Variants in LRRC43 observed in about 807,000 individuals in gnomAD.
The protein encoded by LRRC43 is leucine rich repeat containing 43.
Under a neutral mutation model 64.3 loss-of-function variants are expected in LRRC43, and 62 were observed. The observed-to-expected ratio is 0.96, with a 90% CI of 0.79 to 1.19. The LOEUF (loss-of-function observed/expected upper bound fraction) is 1.19, where lower values mean the gene tolerates loss of function less well. LRRC43 is among the 50% of genes most tolerant of loss of function. The probability of loss-of-function intolerance (pLI) is 0.00; values close to 1 mark genes in which losing one functional copy is unlikely to be tolerated. For synonymous variants in LRRC43, 422 were observed against 382.3 expected (o/e 1.10, Z -1.21); for missense variants, 868 against 845.0 (o/e 1.03, Z -0.34).
chr12:122,175,565 A>G (rs1953530575), intron 1 of LRRC43, among the ~76,000 whole-genome samples: 1 of 148,486 alleles, frequency 6.7e-6, no homozygotes, highest in African/African-American at 2.5e-5. Context: ...GTGCAGTGGC[A>G]TCATCACAAC....
chr12:122,198,645 T>TTG (rs1210018125), intron 7 of LRRC43, among the ~76,000 whole-genome samples: 9 of 150,204 alleles, frequency 6.0e-5, no homozygotes, highest in African/African-American at 2.0e-4. Flanking sequence ...TTTTTTTTTT[T>TTG]TGAGATGGGG....
intron 5 of LRRC43, 122 bp downstream of exon 5, chr12:122,190,490 C>G: frequency 1.4e-6 from 1 of 725,158 alleles, no homozygotes; most frequent in South Asian, 1.7e-5. Flanking sequence ...GACCCAGACC[C>G]TATTCAGGTA....
At chr12:122,192,123 A>C (rs1356472253) in intron 6 of LRRC43, among the ~76,000 whole-genome samples, 1 of 151,314 alleles carries the variant, frequency 6.6e-6, no homozygotes. Flanking sequence ...TCCCAGCCCC[A>C]TTCTGCAATT....
intron 7 of LRRC43, among the ~76,000 whole-genome samples, chr12:122,194,387 T>C (rs1216527942): frequency 6.6e-6 from 1 of 151,364 alleles, no homozygotes; most frequent in African/African-American, 2.4e-5. Flanking sequence ...ACCAACATGG[T>C]GAAACACCAT....
intron 4 of LRRC43, chr12:122,189,596 G>T: frequency 2.4e-6 from 1 of 413,598 alleles, no homozygotes; most frequent in Admixed American, 2.7e-5. Context: ...CCCCTCCCAG[G>T]CCCCTTTCCT....
Position 122,184,849 on chromosome 12 carries a change from C to A in LRRC43, c.411+70C>A, listed in dbSNP as rs1161115813. 3.2e-5 allele frequency: 48 copies of A among 1,489,388 alleles called. No individual in the cohort carries two copies. Among genetic ancestry groups the A allele is most frequent in the Non-Finnish European group, 4.3e-5 (47 of 1,095,284 alleles). 92.3% of individuals were successfully genotyped at this position (1,489,388 alleles called of 1,614,324 possible). On this transcript the variant is annotated intron_variant, in intron 2 of 11. Transcript: ENST00000339777. This position sits in a 1 kb window ranked among gnomAD's most constrained non-coding sequence, Gnocchi z 4.0. ...CCTAAGGGAGGTTGTGGGGAGGGCA[C>A]CCTTCCCCACAGCGCGTCAGGGATC...
rs1268007573 is a variant in LRRC43, at chr12:122,187,729, G to C, written c.551G>C (p.Ser184Thr). 6.2e-7 allele frequency: 1 copy of C among 1,613,812 alleles called. No homozygotes were observed. The highest frequency in any genetic ancestry group is 8.5e-7 in the Non-Finnish European group (1 of 1,180,034). ...CTGGAGCTCTACGGCAATGAGATCA[G>C]CAGCATGGAGTGTCTGTGTGCCCAC... ...KVLELYGNEI[S>T]SMECLCAHPP... Residue 184 changes from serine to threonine, a missense_variant, in exon 4 of 12, where the codon AGC (serine) becomes ACC (threonine). Transcript: ENST00000339777.
At position 122,200,372 on chromosome 12, in the gene LRRC43, C is replaced by G. The variant is rs778374502; in HGVS notation, c.1491+42C>G. On this transcript the variant is annotated intron_variant, in intron 8 of 11. Coordinates refer to ENST00000339777, the MANE Select transcript of LRRC43 (RefSeq NM_001098519.2). This position sits in a 1 kb window ranked among gnomAD's most constrained non-coding sequence, Gnocchi z 4.6. ...AGTGCCCGGCCATCCACAGGCTGCA[C>G]TTCTGTCCTTGTTCCTGTTCCCATC... 16 of 1,608,334 alleles carry G rather than the reference C, an allele frequency of 9.9e-6. No individual in the cohort carries two copies. In the South Asian group the frequency reaches 1.8e-4, roughly 18 times the overall value.
At chr12:122,182,982 T>C (rs963495344), upstream of LRRC43, 13 of 1,175,628 alleles carry the variant, frequency 1.1e-5, no homozygotes, top group Non-Finnish European at 1.4e-5. Context: ...CCAGCTGTTA[T>C]CCCATTTTTA....
upstream of LRRC43, among the ~76,000 whole-genome samples, chr12:122,178,573 G>C (rs1953556320): frequency 6.7e-6 from 1 of 149,166 alleles, no homozygotes; most frequent in Non-Finnish European, 1.5e-5. Flanking sequence ...ATACGTAAGA[G>C]GTGGCTTTCT....
chr12:122,183,655 G>A (rs1415767913), intron 1 of LRRC43, among the ~76,000 whole-genome samples: 2 of 152,206 alleles, frequency 1.3e-5, no homozygotes, highest in East Asian at 3.8e-4. Context: ...AAGAGCCTGA[G>A]GCAGTGTGAG....
In LRRC43 at chr12:122,184,241, C is replaced by T. The variant is rs1439369896; in HGVS notation, c.151-278C>T. On this transcript the variant is annotated intron_variant, in intron 1 of 11. Coordinates refer to ENST00000339777, the MANE Select transcript of LRRC43 (RefSeq NM_001098519.2). This position sits in a 1 kb window ranked among gnomAD's most constrained non-coding sequence, Gnocchi z 4.0. ...TCCCGAGTAGCTGAGACTACAGTTG[C>T]GTGCCACCACGCCCGGCTAATTTTT... Among the ~76,000 whole-genome samples the T allele has an allele frequency of 2.6e-5, 4 of 152,030 alleles. No homozygotes were observed. Among genetic ancestry groups the T allele is most frequent in the Admixed American group, 6.6e-5 (1 of 15,248 alleles).
intron 3 of LRRC43, 69 bp downstream of exon 3, chr12:122,186,369 C>T: frequency 1.0e-6 from 1 of 990,824 alleles, no homozygotes; most frequent in Non-Finnish European, 1.6e-6. Flanking sequence ...TTACCCTGCC[C>T]CACATAGTGT....
In LRRC43 at chr12:122,184,662, G is replaced by A. The variant is rs367754491; in HGVS notation, c.294G>A (p.Leu98=). 1.2e-6 allele frequency: 2 copies of A among 1,614,012 alleles called. No individual in the cohort carries two copies. The highest frequency in any genetic ancestry group is 1.7e-6 in the Non-Finnish European group (2 of 1,179,878). The change falls in exon 2 of 12, where the codon CTG becomes CTA. Residue 98 remains leucine (L), a synonymous_variant. Coordinates refer to ENST00000339777, the MANE Select transcript of LRRC43 (RefSeq NM_001098519.2). The surrounding 1 kb of genome is among the most constrained non-coding windows in gnomAD (Gnocchi z 4.0). ...GCCGCCACTCCCCCTGGGCTCTGCT[G>A]AACAACTCGAATGCAGAAGACAGTT... The part of the protein sequence containing the change: ...VRSRHSPWAL[L]NNSNAEDSFL...
Position 122,192,727 on chromosome 12 carries a change from T to C in LRRC43, c.1090-18T>C. The C allele has an allele frequency of 1.2e-6, 2 of 1,609,700 alleles. No individual in the cohort carries two copies. Among genetic ancestry groups the C allele is most frequent in the Non-Finnish European group, 1.7e-6 (2 of 1,176,534 alleles). The stretch of plus-strand genomic sequence containing the variant: ...CTGAAGACGGCAGCCTTGGACGAGT[T>C]TCTGTCTCTTCCTGCAGATCGTCAA... On this transcript the variant is annotated intron_variant, in intron 6 of 11. Coordinates refer to ENST00000339777, the MANE Select transcript of LRRC43 (RefSeq NM_001098519.2).
chr12:122,171,034 C>T (rs1364129670), intron 1 of LRRC43, among the ~76,000 whole-genome samples: 1 of 152,170 alleles, frequency 6.6e-6, no homozygotes, highest in East Asian at 1.9e-4. Context: ...CTCTAAGAAG[C>T]CTTAACAGTT....
chr12:122,181,790 G>C (rs1251139408), upstream of LRRC43, among the ~76,000 whole-genome samples: 1 of 150,808 alleles, frequency 6.6e-6, no homozygotes, highest in African/African-American at 2.4e-5. Flanking sequence ...ATTTTTAGTA[G>C]AGACGGGGTT....
intron 3 of LRRC43, among the ~76,000 whole-genome samples, chr12:122,186,789 T>G (rs1449058426): frequency 1.3e-5 from 2 of 152,038 alleles, no homozygotes; most frequent in Non-Finnish European, 2.9e-5. Flanking sequence ...TGTGGTGGCA[T>G]GCGCCTGTAG....
Position 122,190,464 on chromosome 12 carries a change from C to G in LRRC43, c.901+96C>G. 5 of 925,900 alleles carry G rather than the reference C, an allele frequency of 5.4e-6. No homozygotes were observed. In the Admixed American group the frequency reaches 1.0e-4, roughly 19 times the overall value. 57.4% of individuals were successfully genotyped at this position (925,900 alleles called of 1,614,324 possible). ...TCCTGGGTCCGTGTACCCGTCTGTCCTGCAACTCCCCATTTGACCCAGACC... is the reference window on the plus strand; with the variant it reads ...TCCTGGGTCCGTGTACCCGTCTGTCGTGCAACTCCCCATTTGACCCAGACC... On this transcript the variant is annotated intron_variant, in intron 5 of 11. Transcript: ENST00000339777.
Sources: allele counts gnomAD v4.1 joint callset (sites outside exome capture counted in the v4.1 genomes callset), GRCh38; gene constraint gnomAD v4.1.1; non-coding constraint Gnocchi (gnomAD v3.1); transcripts MANE v1.5; gene names NCBI Gene and HGNC (gene_info 2026-07-23, HGNC 2026-07-21).